The following RIC1 variants were observed in gnomAD, a reference collection of about 807,000 sequenced individuals.
RIC1 encodes the protein guanine nucleotide exchange factor subunit RIC1.
In RIC1, 88 loss-of-function variants were observed where a neutral mutation model predicts 169.0. That is an observed-to-expected ratio of 0.52 (90% CI 0.44 to 0.62). RIC1 has a LOEUF of 0.62. Among genes scored for constraint, RIC1 ranks in the 20% least tolerant of loss-of-function variants. The pLI is 0.00. For synonymous variants in RIC1, 790 were observed against 601.5 expected, an observed-to-expected ratio of 1.31 and a Z score of -4.59; for missense variants, 1,877 against 1,725.5, an observed-to-expected ratio of 1.09 and a Z score of -1.56.
At chr9:5,664,318 C>G (rs560957136) in intron 2 of RIC1, among the ~76,000 whole-genome samples, 1 of 152,004 alleles carries the variant, frequency 6.6e-6, no homozygotes, top group African/African-American at 2.4e-5. Flanking sequence ...GAGGCTGAGG[C>G]AGGAGAATTG....
chr9:5,691,237 C>A (rs1469740670), intron 3 of RIC1, among the ~76,000 whole-genome samples: 1 of 151,760 alleles, frequency 6.6e-6, no homozygotes, highest in African/African-American at 2.4e-5. Context: ...GTAATATGAC[C>A]ATGACTGTAT....
intron 2 of RIC1, among the ~76,000 whole-genome samples, chr9:5,684,328 G>A (rs956580554): frequency 4.1e-5 from 5 of 120,554 alleles, no homozygotes; most frequent in Admixed American, 2.4e-4. Flanking sequence ...ATACAGAAAT[G>A]TCTGCTGGGA....
intron 3 of RIC1, among the ~76,000 whole-genome samples, chr9:5,706,334 C>G (rs747493075): frequency 6.6e-6 from 1 of 152,120 alleles, no homozygotes; most frequent in South Asian, 2.1e-4. Context: ...TGCCTGTAAT[C>G]CCAGGTACTC....
intron 2 of RIC1, among the ~76,000 whole-genome samples, chr9:5,689,025 A>G (rs1005827049): frequency 6.8e-5 from 10 of 147,566 alleles, no homozygotes; most frequent in Admixed American, 2.7e-4. Context: ...ATGTAATAGC[A>G]CTGTTTTTAA....
In RIC1 at chr9:5,720,339, T is replaced by A; in HGVS notation, c.583+15T>A. On this transcript the variant is annotated intron_variant, in intron 5 of 25. Coordinates refer to ENST00000414202, the MANE Select transcript of RIC1 (RefSeq NM_020829.4). The stretch of plus-strand genomic sequence containing the variant: ...GTCATCTAGAGGTAGCTATACTTTC[T>A]ACATGAGGTTGAACCAGTTGTTTAA... The A allele has an allele frequency of 1.9e-6, 3 of 1,605,680 alleles. No homozygotes were observed. Among genetic ancestry groups the A allele is most frequent in the Non-Finnish European group, 2.6e-6 (3 of 1,175,982 alleles).
chr9:5,740,992 C>G (rs1825053002), intron 8 of RIC1, among the ~76,000 whole-genome samples: 1 of 152,178 alleles, frequency 6.6e-6, no homozygotes, highest in African/African-American at 2.4e-5. Flanking sequence ...TGAAAAACCT[C>G]CCATACATCC....
At chr9:5,667,124 A>C (rs1198982499) in intron 2 of RIC1, among the ~76,000 whole-genome samples, 1 of 152,090 alleles carries the variant, frequency 6.6e-6, no homozygotes, top group African/African-American at 2.4e-5. Context: ...AGGGAGTTAC[A>C]GGGGAGCCTG....
chr9:5,692,734 C>G (rs759845845), intron 3 of RIC1, among the ~76,000 whole-genome samples: 2 of 151,896 alleles, frequency 1.3e-5, no homozygotes, highest in African/African-American at 2.4e-5. Context: ...TTCTTAAAAC[C>G]TGAAAAATAG....
intron 2 of RIC1, among the ~76,000 whole-genome samples, chr9:5,668,709 T>C (rs1819925179): frequency 6.6e-6 from 1 of 152,222 alleles, no homozygotes; most frequent in South Asian, 2.1e-4. Flanking sequence ...GTACTTTTTA[T>C]CTTCAGAATT....
chr9:5,714,116 C>A, intron 4 of RIC1, 113 bp downstream of exon 4: 1 of 613,962 alleles, frequency 1.6e-6, no homozygotes, highest in Non-Finnish European at 2.7e-6. Flanking sequence ...AAGATAACTT[C>A]TTAGTTCTGG....
intron 4 of RIC1, among the ~76,000 whole-genome samples, chr9:5,714,697 C>T (rs1823128160): frequency 6.6e-6 from 1 of 152,018 alleles, no homozygotes; most frequent in Admixed American, 6.5e-5. Context: ...AAGCAAAATG[C>T]TTATGTTGCT....
intron 7 of RIC1, among the ~76,000 whole-genome samples, chr9:5,734,146 G>A (rs548319109): frequency 1.1e-4 from 16 of 148,776 alleles, no homozygotes; most frequent in East Asian, 7.8e-4. Flanking sequence ...TCGCTCTGTC[G>A]CCCTGGCTAG....
Position 5,762,517 on chromosome 9 carries a change from T to C in RIC1, c.1993-24T>C, listed in dbSNP as rs550499184. On this transcript the variant is annotated intron_variant, in intron 17 of 25. Transcript: ENST00000414202. Reference sequence around the variant, plus strand: ...GCATACCGATACAGAAGTATGAATTTAGCTGCTTTTTCTTAAATTTCAGGC... The same window carrying C: ...GCATACCGATACAGAAGTATGAATTCAGCTGCTTTTTCTTAAATTTCAGGC... The C allele has an allele frequency of 5.6e-6, 9 of 1,612,666 alleles. No individual in the cohort carries two copies. The South Asian group carries it at 9.9e-5, about 18-fold the overall frequency.
chr9:5,755,729 C>T (rs1825970513), intron 15 of RIC1, among the ~76,000 whole-genome samples: 1 of 152,112 alleles, frequency 6.6e-6, no homozygotes, highest in Non-Finnish European at 1.5e-5. Flanking sequence ...TCAAGACCAG[C>T]CAGGCCAACA....
At position 5,691,260 on chromosome 9, in the gene RIC1, C is replaced by T. The variant is rs549275074; in HGVS notation, c.332+1222C>T. On this transcript the variant is annotated intron_variant, in intron 3 of 25. Transcript: ENST00000414202. Reference sequence around the variant, plus strand: ...ACCATGACTGTATAAAACAAAACAACGCAAGTCATCTAAAGACAAAATCTA... The same window carrying T: ...ACCATGACTGTATAAAACAAAACAATGCAAGTCATCTAAAGACAAAATCTA... Among the ~76,000 whole-genome samples the T allele has an allele frequency of 7.2e-5, 11 of 151,924 alleles. No homozygotes were observed. In the East Asian group the frequency reaches 9.6e-4, roughly 13 times the overall value.
chr9:5,755,002 G>A, intron 15 of RIC1, 72 bp downstream of exon 15: 1 of 919,680 alleles, frequency 1.1e-6, no homozygotes, highest in Non-Finnish European at 1.6e-6. Flanking sequence ...ATTTTATATA[G>A]AAAATAGTCG....
In RIC1 at chr9:5,745,879, A is replaced by C; in HGVS notation, c.1096-52A>C. ...TGAATAATTGAAGCTAGAAAGGGAT[A>C]CAAAAGCCTTTTATTGCTCTGACTT... is the stretch of plus-strand genomic sequence containing the variant. On this transcript the variant is annotated intron_variant, in intron 10 of 25. Transcript: ENST00000414202. 2.0e-6 allele frequency: 3 copies of C among 1,505,912 alleles called. No homozygotes were observed. In the South Asian group the frequency reaches 3.5e-5, roughly 18 times the overall value. The allele number at this position is 1,505,912 out of a possible 1,614,324, so 93.3% of individuals were successfully genotyped here. A position where few individuals can be genotyped will look rare whatever the true frequency, so the allele number is the denominator to read the frequency against.
intron 3 of RIC1, among the ~76,000 whole-genome samples, chr9:5,702,704 A>G (rs1343445004): frequency 6.6e-6 from 1 of 152,020 alleles, no homozygotes; most frequent in African/African-American, 2.4e-5. Context: ...ATGCCCGGCT[A>G]ATTTTTTTTG....
intron 12 of RIC1, among the ~76,000 whole-genome samples, chr9:5,750,632 A>G (rs1483309845): frequency 6.6e-6 from 1 of 151,800 alleles, no homozygotes; most frequent in African/African-American, 2.4e-5. Context: ...ATAATAACAA[A>G]TGAGGGCGGA....
Sources: allele counts gnomAD v4.1 joint callset (sites outside exome capture counted in the v4.1 genomes callset), GRCh38; gene constraint gnomAD v4.1.1; transcripts MANE v1.5; gene names NCBI Gene and HGNC (gene_info 2026-07-23, HGNC 2026-07-21).